Variants in PCGF6 observed in about 807,000 individuals in gnomAD.
PCGF6 encodes the protein polycomb group ring finger 6, also known as polycomb group RING finger protein 6.
PCGF6 carries 24 observed loss-of-function variants against 45.5 expected under a neutral mutation model. The observed-to-expected ratio is 0.53, with a 90% CI of 0.38 to 0.74. The LOEUF is 0.74. Ranked by LOEUF, PCGF6 falls within the 30% of genes least tolerant of loss-of-function variation. PCGF6 has a pLI of 0.00. For missense variants in PCGF6, 356 were observed against 443.2 expected (o/e 0.80, Z 1.77); for synonymous variants, 152 against 162.1 (o/e 0.94, Z 0.47).
At chr10:103,318,871 T>C (rs1471830808) in intron 8 of PCGF6, among the ~76,000 whole-genome samples, 1 of 152,210 alleles carries the variant, frequency 6.6e-6, no homozygotes, top group Non-Finnish European at 1.5e-5. Flanking sequence ...AGTTCCTCGA[T>C]AGCCAAAGGC....
chr10:103,308,631 G>GA (rs1303749943), intron 9 of PCGF6, among the ~76,000 whole-genome samples: 6 of 152,034 alleles, frequency 3.9e-5, no homozygotes, highest in Non-Finnish European at 8.8e-5. Flanking sequence ...CAGCACTTTG[G>GA]AAAGCTGAGG....
chr10:103,340,207 A>G (rs2093275937), intron 6 of PCGF6, among the ~76,000 whole-genome samples: 2 of 134,476 alleles, frequency 1.5e-5, no homozygotes, highest in Non-Finnish European at 3.2e-5. Context: ...AAATATATAT[A>G]TATATATATA....
chr10:103,322,665 TACAA>T (rs1465563029), intron 8 of PCGF6, among the ~76,000 whole-genome samples: 3 of 150,908 alleles, frequency 2.0e-5, no homozygotes, highest in African/African-American at 4.9e-5. Flanking sequence ...TACTAAAAAA[TACAA>T]ACAATTTAGC....
chr10:103,350,360 G>C (rs1354968752), intron 1 of PCGF6, among the ~76,000 whole-genome samples: 4 of 150,748 alleles, frequency 2.7e-5, no homozygotes, highest in East Asian at 4.0e-4. Context: ...GATCGCCTGA[G>C]GCCAGGAGTT....
intron 8 of PCGF6, among the ~76,000 whole-genome samples, chr10:103,321,247 C>G (rs2093196212): frequency 6.6e-6 from 1 of 152,166 alleles, no homozygotes; most frequent in African/African-American, 2.4e-5. Flanking sequence ...AGGTGATCCT[C>G]CTACCTCAGG....
chr10:103,329,151 T>C (rs1192726284), intron 7 of PCGF6, among the ~76,000 whole-genome samples: 1 of 152,134 alleles, frequency 6.6e-6, no homozygotes, highest in Admixed American at 6.6e-5. Flanking sequence ...GTGATTCTCC[T>C]ATCTCAGCCT....
At chr10:103,321,144 C>G (rs1307717302) in intron 8 of PCGF6, among the ~76,000 whole-genome samples, 1 of 152,108 alleles carries the variant, frequency 6.6e-6, no homozygotes, top group Non-Finnish European at 1.5e-5. Flanking sequence ...GAGCCAAGAG[C>G]TGACAAAGAA....
chr10:103,327,225 C>A (rs2093222070), intron 7 of PCGF6, among the ~76,000 whole-genome samples: 2 of 152,096 alleles, frequency 1.3e-5, no homozygotes, highest in Admixed American at 6.6e-5. Flanking sequence ...GCAGAGGTTG[C>A]AGAGAGCCAA....
rs61284665 is a variant in PCGF6 at position 103,339,806 on chromosome 10, AAAAAAC to A, written c.782+5212_782+5217del. On this transcript the variant is annotated intron_variant, in intron 6 of 9. Coordinates refer to ENST00000369847, the MANE Select transcript of PCGF6 (RefSeq NM_001011663.2). ...AAGCGAAATTCTGTCTGTCTCAAAA[AAAAAAC>A]ACACACACACACACACACACACACA... is the stretch of plus-strand genomic sequence containing the variant. Among the ~76,000 whole-genome samples the A allele has an allele frequency of 2.2e-3, 159 of 71,208 alleles. 7 individuals carry two copies. Among genetic ancestry groups the A allele is most frequent in the African/African-American group, 3.4e-3 (64 of 18,696 alleles). The allele number at this position is 71,208 out of a possible 152,430, so 46.7% of individuals were successfully genotyped here. A position where few individuals can be genotyped will look rare whatever the true frequency, so the allele number is the denominator to read the frequency against.
At chr10:103,321,544 C>G (rs1443568240) in intron 8 of PCGF6, among the ~76,000 whole-genome samples, 1 of 151,990 alleles carries the variant, frequency 6.6e-6, no homozygotes, top group African/African-American at 2.4e-5. Flanking sequence ...AACCCTGTCT[C>G]TACTAAAAAT....
chr10:103,325,377 C>T (rs538536722), intron 8 of PCGF6, among the ~76,000 whole-genome samples: 201 of 152,080 alleles, frequency 1.3e-3, no homozygotes, highest in Non-Finnish European at 2.1e-3. Flanking sequence ...CCTCAGCCTC[C>T]TGAGTAGCTG....
At chr10:103,304,047 T>G in intron 9 of PCGF6, 86 bp from the exon 10 acceptor site, 1 of 1,060,320 alleles carries the variant, frequency 9.4e-7, no homozygotes, top group Non-Finnish European at 1.4e-6. Flanking sequence ...TTACTTTTTT[T>G]TAATAATCTA....
chr10:103,351,056 AC>A lies in PCGF6; in HGVS notation c.10del (p.Val4SerfsTer4). 2.2e-6 allele frequency: 3 copies of A among 1,376,966 alleles called. No individual in the cohort carries two copies. Among genetic ancestry groups the A allele is most frequent in the Non-Finnish European group, 9.4e-7 (1 of 1,064,976 alleles). 85.3% of individuals were successfully genotyped at this position (1,376,966 alleles called of 1,614,324 possible). A position where few individuals can be genotyped will look rare whatever the true frequency, so the allele number is the denominator to read the frequency against. MEG[V>X]AVVTAGSVGA... is the part of the protein sequence containing the mutation. ...TACGCTGCCCGCCGTCACCACCGCG[AC>A]CCCCTCCATGGTCGGGAGAGACACC... On this transcript the variant is annotated frameshift_variant, in exon 1 of 10. Transcript: ENST00000369847. LOFTEE classifies it high-confidence loss of function.
At chr10:103,349,169 T>TC (rs559781486) in intron 1 of PCGF6, among the ~76,000 whole-genome samples, 170 bp from the exon 2 acceptor site, 1 of 151,928 alleles carries the variant, frequency 6.6e-6, no homozygotes, top group South Asian at 2.1e-4. Flanking sequence ...TGTCTCAGCC[T>TC]CCCGAGTAGC....
intron 8 of PCGF6, among the ~76,000 whole-genome samples, chr10:103,324,067 G>A (rs967326899): frequency 6.7e-6 from 1 of 148,774 alleles, no homozygotes; most frequent in South Asian, 2.1e-4. Context: ...AGCCTCCCGA[G>A]TAGCTGGGAT....
At chr10:103,320,822 T>C (rs1261453455) in intron 8 of PCGF6, among the ~76,000 whole-genome samples, 3 of 151,506 alleles carry the variant, frequency 2.0e-5, no homozygotes, top group Admixed American at 6.6e-5. Flanking sequence ...TAACCATAAA[T>C]GAAGGTCACA....
chr10:103,326,108 T>C (rs1272269221), intron 8 of PCGF6, among the ~76,000 whole-genome samples: 1 of 151,934 alleles, frequency 6.6e-6, no homozygotes, highest in African/African-American at 2.4e-5. Context: ...TCAATTAGCA[T>C]TAACAATGTC....
intron 8 of PCGF6, among the ~76,000 whole-genome samples, chr10:103,317,915 C>T (rs774695987): frequency 5.9e-5 from 9 of 151,426 alleles, no homozygotes; most frequent in Non-Finnish European, 1.3e-4. Context: ...TGCATCACCA[C>T]GCATGGCTAA....
At chr10:103,330,003 C>T (rs1287905992) in intron 7 of PCGF6, among the ~76,000 whole-genome samples, 1 of 129,172 alleles carries the variant, frequency 7.7e-6, no homozygotes, top group East Asian at 2.4e-4. Context: ...TCTCCTGACT[C>T]GTGATCCACC....
Sources: gnomAD v4.1 joint callset for allele counts (sites outside exome capture counted in the v4.1 genomes callset) on GRCh38, gnomAD v4.1.1 for gene constraint, MANE v1.5 for transcripts, NCBI Gene and HGNC (gene_info 2026-07-23, HGNC 2026-07-21) for gene names.